The following SYN1 variants were observed in gnomAD, a reference collection of about 807,000 sequenced individuals.
SYN1 encodes synapsin-1.
Under a neutral mutation model 44.6 loss-of-function variants are expected in SYN1, and 8 were observed. The observed-to-expected ratio is 0.18, with a 90% CI of 0.11 to 0.32. The LOEUF is 0.32. SYN1 is among the 10% of genes least tolerant of loss of function. The pLI is 1.00. For synonymous variants in SYN1, 275 were observed against 280.1 expected (o/e 0.98, Z 0.18); for missense variants, 451 against 639.4 (o/e 0.71, Z 3.18).
rs373152478 is a variant in SYN1 at position 47,605,326 on chromosome X, C to A, written c.581G>T (p.Arg194Leu). Residue 194 changes from arginine (R) to leucine (L), a missense_variant, in exon 4 of 13, where the codon CGC (arginine) becomes CTC (leucine). By Grantham distance (102) the Arg-to-Leu change is moderately radical (BLOSUM62 -2). Around this residue, in one of 3 missense-constraint regions of SYN1, gnomAD observed 315 missense variants for 451.4 expected, o/e 0.70. Coordinates refer to ENST00000295987, the MANE Select transcript of SYN1 (RefSeq NM_006950.3). The stretch of plus-strand genomic sequence containing the variant: ...GACCAAACTGCGGTAGTCTCCGTTG[C>A]GTGCCATGCTGAAGGCGTGCTGGCG... Reference protein sequence around the residue: ...LIRQHAFSMARNGDYRSLVIG... With the variant: ...LIRQHAFSMALNGDYRSLVIG... 1 of 1,209,561 alleles carries A rather than the reference C, an allele frequency of 8.3e-7. No individual in the cohort carries two copies. Among genetic ancestry groups the A allele is most frequent in the African/African-American group, 1.7e-5 (1 of 57,226 alleles).
At chrX:47,582,470 C>A in intron 5 of SYN1, 1 of 278,992 alleles carries the variant, frequency 3.6e-6, no homozygotes, top group Non-Finnish European at 7.3e-6. Context: ...AGAGAGACAC[C>A]AGAGGTAAGC....
rs951576290 is a variant in SYN1, at chrX:47,579,848, C to T, written c.775-2347G>A. 5.0e-4 allele frequency among the ~76,000 whole-genome samples: 37 copies of T among 74,643 alleles called. 1 individual carries two copies. The highest frequency in any genetic ancestry group is 4.8e-3 in the Admixed American group (33 of 6,815). 64.8% of individuals were successfully genotyped at this position (74,643 alleles called of 115,157 possible). A position where few individuals can be genotyped will look rare whatever the true frequency, so the allele number is the denominator to read the frequency against. Reference sequence around the variant, plus strand: ...TACTTCCCTTCCTCCCTGTTTTTGTCGCCCCCCCACCCTCCCCCCACCACC... The same window carrying T: ...TACTTCCCTTCCTCCCTGTTTTTGTTGCCCCCCCACCCTCCCCCCACCACC... On this transcript the variant is annotated intron_variant, in intron 5 of 12. Coordinates refer to ENST00000295987, the MANE Select transcript of SYN1 (RefSeq NM_006950.3).
chrX:47,619,816 C>A lies in SYN1; in HGVS notation c.-88G>T. The A allele has an allele frequency of 1.0e-6, 1 of 984,300 alleles. No individual in the cohort carries two copies. The highest frequency in any genetic ancestry group is 1.9e-5 in the African/African-American group (1 of 51,513). 81.1% of individuals were successfully genotyped at this position (984,300 alleles called of 1,213,427 possible). A position where few individuals can be genotyped will look rare whatever the true frequency, so the allele number is the denominator to read the frequency against. On this transcript the variant is annotated 5_prime_UTR_variant, in exon 1 of 13. Transcript: ENST00000295987. ...CGCGGTGCCCAGGAGCACAGCTGCG[C>A]TCTCAGGCACGACACGACTCCTCCG...
intron 3 of SYN1, 126 bp downstream of exon 3, chrX:47,606,819 C>T (rs186639104): frequency 1.8e-5 from 12 of 674,226 alleles, no homozygotes; most frequent in African/African-American, 1.6e-4. Context: ...AAAGTTGTCT[C>T]CCCACATTCC....
At chrX:47,591,150 G>A (rs1354366774) in intron 5 of SYN1, among the ~76,000 whole-genome samples, 1 of 112,394 alleles carries the variant, frequency 8.9e-6, no homozygotes, top group African/African-American at 3.2e-5. Flanking sequence ...CTCCCAAAGT[G>A]CTGGGATTAC....
At position 47,574,590 on chromosome X, in the gene SYN1, C is replaced by A; in HGVS notation, c.1394G>T (p.Gly465Val). 1 of 1,101,254 alleles carries A rather than the reference C, an allele frequency of 9.1e-7. No homozygotes were observed. 90.8% of individuals were successfully genotyped at this position (1,101,254 alleles called of 1,213,427 possible). Reference protein sequence around the residue: ...PPAQQRPPPQGGPPQPGPGPQ... With the variant: ...PPAQQRPPPQVGPPQPGPGPQ... ...GCCTGGACCCGGCTGTGGAGGGCCG[C>A]CTGGGGGACAGAGGGAGAGAAAGAG... The change falls in exon 12 of 13, where the codon GGC becomes GTC. Residue 465 changes from glycine (G) to valine (V), a missense_variant and splice_region_variant. By Grantham distance (109) the Gly-to-Val change is moderately radical. This residue lies in a region of SYN1 where 315 missense variants were observed against 451.4 expected (regional missense o/e 0.70). Transcript: ENST00000295987.
intron 5 of SYN1, among the ~76,000 whole-genome samples, chrX:47,583,971 C>T (rs2147917815): frequency 8.9e-6 from 1 of 111,846 alleles, no homozygotes; most frequent in African/African-American, 3.3e-5. Context: ...ATCTTGCAGT[C>T]GGTGGGAGAG....
intron 8 of SYN1, 43 bp from the exon 9 acceptor site, chrX:47,576,276 G>C: frequency 8.3e-7 from 1 of 1,203,281 alleles, no homozygotes; most frequent in Non-Finnish European, 1.1e-6. Context: ...TCTCTCACCT[G>C]AGCTGTCGTG....
chrX:47,616,920 G>T (rs1274768224), intron 1 of SYN1, among the ~76,000 whole-genome samples: 6 of 110,683 alleles, frequency 5.4e-5, no homozygotes, highest in Admixed American at 9.7e-5. Flanking sequence ...AAAAAGGGGA[G>T]AAGAGGCATT....
In SYN1 at chrX:47,572,910, G is replaced by T. The variant is rs1414025417; in HGVS notation, c.2072C>A (p.Thr691Asn). 8.3e-7 allele frequency: 1 copy of T among 1,212,004 alleles called. No individual in the cohort carries two copies. Among genetic ancestry groups the T allele is most frequent in the Admixed American group, 2.2e-5 (1 of 46,067 alleles). Residue 691 changes from threonine (T) to asparagine (N), a missense_variant, in exon 13 of 13, where the codon ACC becomes AAC. This residue lies in a region of SYN1 where 127 missense variants were observed against 154.8 expected (regional missense o/e 0.82). Coordinates refer to ENST00000295987, the MANE Select transcript of SYN1 (RefSeq NM_006950.3). ...GAAAGACTTCCTCAGGCTGCGGATG[G>T]TCTCAGCTTTCACCTCGTCCTGGCT... is the stretch of plus-strand genomic sequence containing the variant. Reference protein sequence around the residue: ...SLSQDEVKAETIRSLRKSFAS... With the variant: ...SLSQDEVKAENIRSLRKSFAS...
chrX:47,580,733 C>T (rs774945921), intron 5 of SYN1, among the ~76,000 whole-genome samples: 26 of 109,811 alleles, frequency 2.4e-4, no homozygotes, highest in Admixed American at 1.8e-3. Context: ...GTCAGGAGTT[C>T]GAGATCTGAC....
intron 1 of SYN1, among the ~76,000 whole-genome samples, chrX:47,609,489 C>T (rs2057910917): frequency 8.9e-6 from 1 of 112,413 alleles, no homozygotes; most frequent in Admixed American, 9.4e-5. Flanking sequence ...TCAACCCAAC[C>T]CTCCTCACAA....
intron 5 of SYN1, among the ~76,000 whole-genome samples, chrX:47,580,718 C>A (rs1005595003): frequency 1.8e-5 from 2 of 110,394 alleles, no homozygotes; most frequent in Admixed American, 1.9e-4. Flanking sequence ...GGTGGATCAC[C>A]TGAAGTCAGG....
In SYN1 at chrX:47,572,693, C is replaced by T; in HGVS notation, c.*171G>A. 3.0e-6 allele frequency: 2 copies of T among 664,323 alleles called. No homozygotes were observed. Among genetic ancestry groups the T allele is most frequent in the Non-Finnish European group, 4.5e-6 (2 of 443,274 alleles). 54.7% of individuals were successfully genotyped at this position (664,323 alleles called of 1,213,427 possible). On this transcript the variant is annotated 3_prime_UTR_variant, in exon 13 of 13. Coordinates refer to ENST00000295987, the MANE Select transcript of SYN1 (RefSeq NM_006950.3). ...CACATGTGAGAACCGGATTTAGGGC[C>T]AGGAGGAGTCAGGTTTCTCAAGGTA...
At chrX:47,596,909 G>A (rs1351411769) in intron 5 of SYN1, among the ~76,000 whole-genome samples, 2 of 112,178 alleles carry the variant, frequency 1.8e-5, no homozygotes, top group Non-Finnish European at 3.8e-5. Context: ...GACTTAATAG[G>A]CAAAAACTGT....
intron 1 of SYN1, among the ~76,000 whole-genome samples, chrX:47,609,561 T>C (rs2057911054): frequency 8.9e-6 from 1 of 112,065 alleles, no homozygotes; most frequent in Admixed American, 9.4e-5. Context: ...CCTCAAAGTC[T>C]TTTTCCAGGG....
chrX:47,595,255 C>T (rs1370206310), intron 5 of SYN1, among the ~76,000 whole-genome samples: 2 of 111,567 alleles, frequency 1.8e-5, no homozygotes, highest in Non-Finnish European at 3.8e-5. Flanking sequence ...TACAATAAAC[C>T]GATCATGTAA....
At chrX:47,596,608 A>G (rs766367304) in intron 5 of SYN1, among the ~76,000 whole-genome samples, 1 of 112,736 alleles carries the variant, frequency 8.9e-6, no homozygotes, top group South Asian at 3.6e-4. Context: ...TATCTGTCCA[A>G]TCATTAGCTG....
intron 5 of SYN1, among the ~76,000 whole-genome samples, chrX:47,583,748 C>A (rs1443882274): frequency 2.7e-5 from 3 of 112,160 alleles, no homozygotes; most frequent in Non-Finnish European, 5.6e-5. Flanking sequence ...GCCTGGTACA[C>A]TTTCCCCCCA....
Sources: gnomAD v4.1 joint callset for allele counts (sites outside exome capture counted in the v4.1 genomes callset) on GRCh38, gnomAD v4.1.1 for gene constraint, gnomAD v4.1.1 regional missense constraint, MANE v1.5 for transcripts, NCBI Gene and HGNC (gene_info 2026-07-23, HGNC 2026-07-21) for gene names.